STEAP4: variants seen among roughly 807,000 people sequenced by gnomAD.
The protein encoded by STEAP4 is STEAP4 metalloreductase.
A neutral mutation model predicts 43.6 loss-of-function variants in STEAP4; 36 were observed. That is an observed-to-expected ratio of 0.83 (90% confidence interval 0.63 to 1.09). The LOEUF (loss-of-function observed/expected upper bound fraction) is 1.09, where lower values mean the gene tolerates loss of function less well. Ranked by LOEUF, STEAP4 falls within the 50% of genes least tolerant of loss-of-function variation. The probability of loss-of-function intolerance (pLI) is 0.00; values close to 1 mark genes in which losing one functional copy is unlikely to be tolerated. For synonymous variants in STEAP4, 191 were observed against 196.7 expected (o/e 0.97, Z 0.24); for missense variants, 495 against 546.5 (o/e 0.91, Z 0.94).
At chr7:88,288,770 G>A (rs1428665115) in intron 1 of STEAP4, among the ~76,000 whole-genome samples, 2 of 151,782 alleles carry the variant, frequency 1.3e-5, no homozygotes, top group Non-Finnish European at 2.9e-5. Flanking sequence ...TTTATCCTAA[G>A]GAAATATATA....
Position 88,279,433 on chromosome 7 carries a change from T to C in STEAP4, c.1345A>G (p.Ile449Val). 1 of 1,614,132 alleles carries C rather than the reference T, an allele frequency of 6.2e-7. No homozygotes were observed. Among genetic ancestry groups the C allele is most frequent in the Non-Finnish European group, 8.5e-7 (1 of 1,179,992 alleles). The change falls in exon 5 of 5, where the codon ATC (isoleucine) becomes GTC (valine). Residue 449 changes from isoleucine (I) to valine (V), a missense_variant. Transcript: ENST00000380079. ...MPCVDNTLTR[I>V]RQGWERNSKH is the part of the protein sequence containing the mutation. ...GAGTTCCTTTCCCAGCCCTGGCGGA[T>C]CCTTGTAAGGGTGTTGTCTACACAT...
chr7:88,282,756 C>T lies in STEAP4; in HGVS notation c.869G>A (p.Arg290Gln), dbSNP rs377052757. 1.5e-5 allele frequency: 25 copies of T among 1,613,948 alleles called. No individual in the cohort carries two copies. Among genetic ancestry groups the T allele is most frequent in the East Asian group, 6.7e-5 (3 of 44,882 alleles). ...CAGAGCTACCAAGCCAAGCTGCTTT[C>T]GGCAAAGCATCCAGTGGTCAAGCCA... ...PDWLDHWMLC[R>Q]KQLGLVALGF... Residue 290 changes from arginine to glutamine, a missense_variant, in exon 3 of 5, where the codon CGA (arginine) becomes CAA (glutamine). Coordinates refer to ENST00000380079, the MANE Select transcript of STEAP4 (RefSeq NM_024636.4).
intron 1 of STEAP4, among the ~76,000 whole-genome samples, chr7:88,299,085 C>T (rs2116019406): frequency 6.8e-6 from 1 of 147,540 alleles, no homozygotes; most frequent in Middle Eastern, 3.5e-3. Flanking sequence ...TAATATTTTA[C>T]TAACACTATA....
At chr7:88,290,207 T>C (rs1484571026) in intron 1 of STEAP4, 2 of 152,214 alleles carry the variant, frequency 1.3e-5, no homozygotes, top group Admixed American at 6.5e-5. Flanking sequence ...ATTTGGTCAC[T>C]ATATTCATTT....
Position 88,271,825 on chromosome 7 carries a change from C to T in STEAP4, c.*7573G>A, listed in dbSNP as rs1325662185. ...TGAACCTACGTTTCCACAGCCTCAC[C>T]CACAGAATGTGTGCTCAAACATTTG... On this transcript the variant is annotated 3_prime_UTR_variant, in exon 5 of 5. Transcript: ENST00000380079. 1.3e-5 allele frequency: 2 copies of T among 152,218 alleles called. No homozygotes were observed. The highest frequency in any genetic ancestry group is 2.1e-4 in the South Asian group (1 of 4,834). The allele number at this position is 152,218 out of a possible 1,614,324, so 9.4% of individuals were successfully genotyped here.
chr7:88,290,342 C>G (rs1852815017), intron 1 of STEAP4: 1 of 152,100 alleles, frequency 6.6e-6, no homozygotes, highest in Non-Finnish European at 1.5e-5. Context: ...GTTTCATCAT[C>G]TGTAAAATGA....
chr7:88,279,279 A>G lies in STEAP4; in HGVS notation c.*119T>C, dbSNP rs574206069. The G allele has an allele frequency of 9.3e-6, 8 of 864,394 alleles. No individual in the cohort carries two copies. The African/African-American group carries it at 1.2e-4, about 13-fold the overall frequency. 53.5% of individuals were successfully genotyped at this position (864,394 alleles called of 1,614,324 possible). A position where few individuals can be genotyped will look rare whatever the true frequency, so the allele number is the denominator to read the frequency against. Reference sequence around the variant, plus strand: ...GCAATGTTTCCCTCAGTCACGGTGTAAGAAAAAAACTTTCCTAACTGTACC... The same window carrying G: ...GCAATGTTTCCCTCAGTCACGGTGTGAGAAAAAAACTTTCCTAACTGTACC... On this transcript the variant is annotated 3_prime_UTR_variant, in exon 5 of 5. Transcript: ENST00000380079.
intron 4 of STEAP4, among the ~76,000 whole-genome samples, chr7:88,279,844 G>C (rs936021170): frequency 6.6e-6 from 1 of 152,282 alleles, no homozygotes; most frequent in Admixed American, 6.5e-5. Flanking sequence ...TGACATAGTA[G>C]CTTCACCTTA....
chr7:88,284,070 T>C lies in STEAP4; in HGVS notation c.200A>G (p.Tyr67Cys). The C allele has an allele frequency of 6.2e-7, 1 of 1,614,174 alleles. No homozygotes were observed. The highest frequency in any genetic ancestry group is 8.5e-7 in the Non-Finnish European group (1 of 1,180,022). Residue 67 changes from tyrosine to cysteine, a missense_variant, in exon 2 of 5, where the codon TAT (tyrosine) becomes TGT (cysteine). Transcript: ENST00000380079. ...GCCAGACTTCTTGGCTGCTTCTGAA[T>C]AGCTCAAGACTTCTGCACCACTGGG... ...LLPSGAEVLS[Y>C]SEAAKKSGII...
chr7:88,278,813 C>T lies in STEAP4; in HGVS notation c.*585G>A, dbSNP rs1852557843. On this transcript the variant is annotated 3_prime_UTR_variant, in exon 5 of 5. Coordinates refer to ENST00000380079, the MANE Select transcript of STEAP4 (RefSeq NM_024636.4). ...TTCTTGTGTTATAAAAATAGTTCCTCTCAGTAAATATCTGTATTAAGAAAA... is the reference window on the plus strand; with the variant it reads ...TTCTTGTGTTATAAAAATAGTTCCTTTCAGTAAATATCTGTATTAAGAAAA... 6.5e-6 allele frequency: 1 copy of T among 153,498 alleles called. No individual in the cohort carries two copies. The highest frequency in any genetic ancestry group is 2.4e-5 in the African/African-American group (1 of 41,448). 9.5% of individuals were successfully genotyped at this position (153,498 alleles called of 1,614,324 possible).
intron 1 of STEAP4, among the ~76,000 whole-genome samples, chr7:88,284,824 T>C (rs1242779005): frequency 6.6e-6 from 1 of 152,150 alleles, no homozygotes; most frequent in Non-Finnish European, 1.5e-5. Context: ...AGGACATCTG[T>C]TAAAATTCAA....
chr7:88,283,184 T>C lies in STEAP4; in HGVS notation c.457-16A>G, dbSNP rs2115959772. 1.3e-6 allele frequency: 2 copies of C among 1,519,696 alleles called. No homozygotes were observed. The highest frequency in any genetic ancestry group is 2.3e-5 in the East Asian group (1 of 44,104). The allele number at this position is 1,519,696 out of a possible 1,614,324, so 94.1% of individuals were successfully genotyped here. A position where few individuals can be genotyped will look rare whatever the true frequency, so the allele number is the denominator to read the frequency against. On this transcript the variant is annotated splice_polypyrimidine_tract_variant and intron_variant, in intron 2 of 4. Transcript: ENST00000380079. Reference sequence around the variant, plus strand: ...ACACAAACACCTAGTTTAAAAACAGTTAATTAATTCTGTATTTACTCCTTT... The same window carrying C: ...ACACAAACACCTAGTTTAAAAACAGCTAATTAATTCTGTATTTACTCCTTT...
intron 3 of STEAP4, chr7:88,281,498 T>G (rs1369119640): frequency 6.5e-6 from 1 of 154,904 alleles, no homozygotes; most frequent in Non-Finnish European, 1.4e-5. Context: ...TACATGATAA[T>G]AAATACATCA....
chr7:88,292,235 T>A (rs1852847453), intron 1 of STEAP4: 1 of 152,126 alleles, frequency 6.6e-6, no homozygotes, highest in Non-Finnish European at 1.5e-5. Context: ...TCTTCTGGGA[T>A]GTTTCCAACT....
intron 1 of STEAP4, among the ~76,000 whole-genome samples, chr7:88,301,232 A>C (rs932476681): frequency 2.0e-5 from 3 of 152,160 alleles, no homozygotes; most frequent in Non-Finnish European, 4.4e-5. Context: ...ATGTCAGGGA[A>C]TTGAATAGGA....
At chr7:88,286,239 T>C (rs140139632) in intron 1 of STEAP4, among the ~76,000 whole-genome samples, 1 of 152,212 alleles carries the variant, frequency 6.6e-6, no homozygotes, top group East Asian at 1.9e-4. Context: ...ACAATTATAA[T>C]TATTACTGAT....
chr7:88,289,475 A>G (rs1418883890), intron 1 of STEAP4, among the ~76,000 whole-genome samples: 1 of 152,200 alleles, frequency 6.6e-6, no homozygotes, highest in Non-Finnish European at 1.5e-5. Flanking sequence ...GTGTATGTAG[A>G]GTTTGCACCT....
chr7:88,287,749 T>C (rs1255244442), intron 1 of STEAP4, among the ~76,000 whole-genome samples: 2 of 152,156 alleles, frequency 1.3e-5, no homozygotes, highest in African/African-American at 2.4e-5. Flanking sequence ...ATGCTATCCA[T>C]AGGAGCAATC....
At position 88,286,764 on chromosome 7, in the gene STEAP4, A is replaced by AACACACAC. The variant is rs61360123; in HGVS notation, c.-2-2501_-2-2494dup. Among the ~76,000 whole-genome samples the AACACACAC allele has an allele frequency of 2.6e-3, 349 of 133,822 alleles. 1 individual carries two copies. Among genetic ancestry groups the AACACACAC allele is most frequent in the East Asian group, 7.5e-3 (34 of 4,534 alleles). The allele number at this position is 133,822 out of a possible 152,430, so 87.8% of individuals were successfully genotyped here. ...TCCTTCAGGGCCCTCCATACATATA[A>AACACACAC]ACACACACACACACACACACACACA... On this transcript the variant is annotated intron_variant, in intron 1 of 4. Coordinates refer to ENST00000380079, the MANE Select transcript of STEAP4 (RefSeq NM_024636.4).
Sources: allele counts gnomAD v4.1 joint callset (sites outside exome capture counted in the v4.1 genomes callset), GRCh38; gene constraint gnomAD v4.1.1; transcripts MANE v1.5; gene names NCBI Gene and HGNC (gene_info 2026-07-23, HGNC 2026-07-21).